SEC14L1: variants seen among roughly 807,000 people sequenced by gnomAD.
The protein encoded by SEC14L1 is SEC14 like lipid binding 1.
A neutral mutation model predicts 85.3 loss-of-function variants in SEC14L1; 48 were observed. The observed-to-expected ratio is 0.56, with a 90% confidence interval of 0.45 to 0.72. The LOEUF (loss-of-function observed/expected upper bound fraction) is 0.72. SEC14L1 is among the 30% of genes least tolerant of loss of function. The probability of loss-of-function intolerance (pLI) is 0.00; values close to 1 mark genes in which losing one functional copy is unlikely to be tolerated. For synonymous variants in SEC14L1, 391 were observed against 355.5 expected, an observed-to-expected ratio of 1.10 and a Z score of -1.12; for missense variants, 682 against 921.4, an observed-to-expected ratio of 0.74 and a Z score of 3.36.
Position 77,143,672 on chromosome 17 carries a change from C to T in SEC14L1, c.63+13C>T. On this transcript the variant is annotated intron_variant, in intron 3 of 16. Coordinates refer to ENST00000436233, the MANE Select transcript of SEC14L1 (RefSeq NM_001143998.2). ...ATTAATTATGGCTGTAAGTACTTGA[C>T]ATTTCAATTTACTCTTTGGCTTCTT... The T allele has an allele frequency of 6.3e-7, 1 of 1,578,360 alleles. No individual in the cohort carries two copies. Among genetic ancestry groups the T allele is most frequent in the South Asian group, 1.1e-5 (1 of 89,980 alleles).
At chr17:77,131,661 A>T (rs1972616786) in intron 3 of SEC14L1, among the ~76,000 whole-genome samples, 1 of 152,264 alleles carries the variant, frequency 6.6e-6, no homozygotes, top group Non-Finnish European at 1.5e-5. Context: ...AGGAATGAGT[A>T]AATAAATGAA....
In SEC14L1 at chr17:77,214,421, A is replaced by C. The variant is rs1598412681; in HGVS notation, c.*398A>C. ...CATCCTCCAGAGATGGCCCCTCCTC[A>C]CCTGGGACGGAAGCTGCCAGCTCGC... On this transcript the variant is annotated 3_prime_UTR_variant, in exon 17 of 17. Transcript: ENST00000436233. 1.0e-6 allele frequency: 1 copy of C among 999,742 alleles called. No individual in the cohort carries two copies. The highest frequency in any genetic ancestry group is 4.3e-5 in the South Asian group (1 of 23,426). The allele number at this position is 999,742 out of a possible 1,614,324, so 61.9% of individuals were successfully genotyped here.
In SEC14L1 at chr17:77,211,933, C is replaced by T. The variant is rs201897275; in HGVS notation, c.1612-17C>T. 20 of 1,611,600 alleles carry T rather than the reference C, an allele frequency of 1.2e-5. No homozygotes were observed. Among genetic ancestry groups the T allele is most frequent in the Middle Eastern group, 1.7e-4 (1 of 5,834 alleles). On this transcript the variant is annotated splice_polypyrimidine_tract_variant and intron_variant, in intron 14 of 16. Transcript: ENST00000436233. ...GTGCTCGTGGATCGTGGCTGCCTAA[C>T]GCTGCCTCTTTTTCAGATTCTCATT... is the stretch of plus-strand genomic sequence containing the variant.
intron 3 of SEC14L1, among the ~76,000 whole-genome samples, chr17:77,122,088 G>A (rs1972314120): frequency 6.6e-6 from 1 of 152,110 alleles, no homozygotes; most frequent in African/African-American, 2.4e-5. Context: ...ACCACTCAGG[G>A]GATGGGATTC....
chr17:77,119,272 C>G (rs1369029140), intron 3 of SEC14L1, among the ~76,000 whole-genome samples: 2 of 149,270 alleles, frequency 1.3e-5, no homozygotes. Flanking sequence ...TGCGCCACTG[C>G]ACTCCAGCCT....
chr17:77,093,935 A>G (rs945653837), intron 3 of SEC14L1: 2 of 152,230 alleles, frequency 1.3e-5, no homozygotes, highest in Non-Finnish European at 2.9e-5. Flanking sequence ...AGCAAATCCT[A>G]TAAAGCACTC....
intron 3 of SEC14L1, among the ~76,000 whole-genome samples, chr17:77,152,396 C>T (rs942211021): frequency 1.3e-5 from 2 of 151,966 alleles, no homozygotes; most frequent in Admixed American, 1.3e-4. Context: ...ATCAGCCGGG[C>T]GTGGTGGCAG....
chr17:77,167,366 C>CT (rs1238599717), intron 3 of SEC14L1, among the ~76,000 whole-genome samples: 1 of 152,136 alleles, frequency 6.6e-6, no homozygotes, highest in Non-Finnish European at 1.5e-5. Context: ...AACTCTTGGC[C>CT]TCAAGTGATC....
At position 77,143,574 on chromosome 17, in the gene SEC14L1, A is replaced by G. The variant is rs746533863; in HGVS notation, c.-23A>G. The stretch of plus-strand genomic sequence containing the variant: ...TATATTTATGTTTTGCAGGTGTGAG[A>G]GGGTTGCTGTTGTATTGCAATCATG... On this transcript the variant is annotated 5_prime_UTR_variant, in exon 3 of 17. Transcript: ENST00000436233. The G allele has an allele frequency of 2.5e-6, 4 of 1,605,494 alleles. No individual in the cohort carries two copies. The Admixed American group carries it at 6.7e-5, about 27-fold the overall frequency.
At chr17:77,149,656 A>G (rs2143559364) in intron 3 of SEC14L1, among the ~76,000 whole-genome samples, 1 of 152,280 alleles carries the variant, frequency 6.6e-6, no homozygotes, top group East Asian at 1.9e-4. Flanking sequence ...CTATGATCAC[A>G]CCACTGTACT....
intron 14 of SEC14L1, chr17:77,210,777 G>A (rs1324407796): frequency 6.6e-6 from 1 of 152,180 alleles, no homozygotes; most frequent in Non-Finnish European, 1.5e-5. Flanking sequence ...AGGCACTATC[G>A]CTCTTGTCCA....
At chr17:77,109,132 CTT>C (rs1971992069) in intron 3 of SEC14L1, among the ~76,000 whole-genome samples, 1 of 150,204 alleles carries the variant, frequency 6.7e-6, no homozygotes, top group African/African-American at 2.5e-5. Flanking sequence ...TGGGGTTTGG[CTT>C]TATAGACTAA....
chr17:77,197,988 G>T (rs917825444), intron 8 of SEC14L1, among the ~76,000 whole-genome samples: 7 of 152,220 alleles, frequency 4.6e-5, no homozygotes, highest in African/African-American at 1.7e-4. Flanking sequence ...AGTTTAACTT[G>T]CTACTATTTC....
intron 3 of SEC14L1, among the ~76,000 whole-genome samples, chr17:77,161,473 G>A (rs1225622059): frequency 2.0e-5 from 3 of 151,962 alleles, no homozygotes; most frequent in African/African-American, 4.8e-5. Flanking sequence ...ACTCCAGCCT[G>A]GGCAATAAAA....
At chr17:77,191,381 A>G in intron 5 of SEC14L1, 69 bp downstream of exon 5, 2 of 1,550,630 alleles carry the variant, frequency 1.3e-6, no homozygotes, top group South Asian at 1.1e-5. Context: ...TTTGATCACC[A>G]TTTTAAACAG....
intron 3 of SEC14L1, among the ~76,000 whole-genome samples, chr17:77,109,982 A>G (rs986489254): frequency 3.3e-5 from 5 of 152,172 alleles, no homozygotes; most frequent in African/African-American, 1.2e-4. Context: ...GGACTCCCCC[A>G]TGCTTTTTAA....
intron 2 of SEC14L1, 47 bp from the exon 3 acceptor site, chr17:77,143,520 T>A: frequency 1.7e-6 from 2 of 1,156,160 alleles, no homozygotes; most frequent in South Asian, 1.3e-5. Flanking sequence ...TACTAATAAT[T>A]TGTTTCTGCA....
At chr17:77,145,280 C>T (rs967517225) in intron 3 of SEC14L1, among the ~76,000 whole-genome samples, 2 of 152,138 alleles carry the variant, frequency 1.3e-5, no homozygotes, top group African/African-American at 4.8e-5. Flanking sequence ...AGGTGTGAGC[C>T]ACTGTACTTG....
chr17:77,188,294 G>A (rs1231643595), intron 3 of SEC14L1, among the ~76,000 whole-genome samples: 1 of 152,016 alleles, frequency 6.6e-6, no homozygotes, highest in Admixed American at 6.6e-5. Flanking sequence ...CACCTGCTTC[G>A]CTCCTGTCCC....
Sources: allele counts gnomAD v4.1 joint callset (sites outside exome capture counted in the v4.1 genomes callset), GRCh38; gene constraint gnomAD v4.1.1; transcripts MANE v1.5; gene names NCBI Gene and HGNC (gene_info 2026-07-23, HGNC 2026-07-21).